Variants in NFILZ observed in about 807,000 individuals in gnomAD.
NFILZ encodes NFIL3 like basic leucine zipper, also known as NFIL3 like protein.
intron 3 of NFILZ, among the ~76,000 whole-genome samples, chr19:8,667,967 T>G (rs1203799557): frequency 6.6e-6 from 1 of 152,134 alleles, no homozygotes; most frequent in Non-Finnish European, 1.5e-5. Context: ...TTTATTTATT[T>G]TTTGAGACAG....
chr19:8,642,042 A>G (rs965226177), intron 3 of NFILZ, among the ~76,000 whole-genome samples: 1 of 151,978 alleles, frequency 6.6e-6, no homozygotes. Context: ...GGGTCTTGCT[A>G]TGTTGGCCAG....
At chr19:8,640,849 G>A (rs1030768918) in intron 3 of NFILZ, among the ~76,000 whole-genome samples, 4 of 152,196 alleles carry the variant, frequency 2.6e-5, no homozygotes, top group Admixed American at 2.6e-4. Flanking sequence ...TGGGCAGGTC[G>A]TGCTGTATGG....
chr19:8,665,596 C>T (rs2043058344), intron 3 of NFILZ, among the ~76,000 whole-genome samples: 1 of 152,152 alleles, frequency 6.6e-6, no homozygotes, highest in Admixed American at 6.5e-5. Context: ...TCACCTCAGC[C>T]TCCCAAAGTG....
intron 3 of NFILZ, among the ~76,000 whole-genome samples, chr19:8,646,092 A>G (rs574404016): frequency 6.6e-6 from 1 of 151,690 alleles, no homozygotes; most frequent in African/African-American, 2.4e-5. Flanking sequence ...GCTGGAGTCC[A>G]GTGGCGCGAT....
chr19:8,663,722 T>TTG (rs879983007), intron 3 of NFILZ, among the ~76,000 whole-genome samples: 67 of 10,796 alleles, frequency 6.2e-3, no homozygotes, highest in African/African-American at 0.02. Context: ...GTGTGTGTGT[T>TTG]TGTGTGTGTG....
In NFILZ at chr19:8,656,407, C is replaced by T. The variant is rs368644368; in HGVS notation, c.-163-18144C>T. Reference sequence around the variant, plus strand: ...CACCTTCTCCCGCAGCCCACCTTCTCTCTGAAACCCACCTCTTTCCGCAGC... The same window carrying T: ...CACCTTCTCCCGCAGCCCACCTTCTTTCTGAAACCCACCTCTTTCCGCAGC... On this transcript the variant is annotated intron_variant, in intron 3 of 5. Coordinates refer to ENST00000691075, the MANE Select transcript of NFILZ (RefSeq NM_001378600.1). Among the ~76,000 whole-genome samples the T allele has an allele frequency of 1.8e-4, 16 of 90,514 alleles. 3 individuals carry two copies. The highest frequency in any genetic ancestry group is 1.3e-3 in the East Asian group (3 of 2,234). The allele number at this position is 90,514 out of a possible 152,430, so 59.4% of individuals were successfully genotyped here. A position where few individuals can be genotyped will look rare whatever the true frequency, so the allele number is the denominator to read the frequency against.
At chr19:8,643,087 C>T (rs1195349131) in intron 3 of NFILZ, among the ~76,000 whole-genome samples, 1 of 151,710 alleles carries the variant, frequency 6.6e-6, no homozygotes, top group Non-Finnish European at 1.5e-5. Context: ...GTAGTTGGAC[C>T]CATAGGCATG....
intron 3 of NFILZ, among the ~76,000 whole-genome samples, chr19:8,643,225 C>G (rs1451490991): frequency 6.6e-6 from 1 of 152,188 alleles, no homozygotes; most frequent in African/African-American, 2.4e-5. Flanking sequence ...GCTGGGATCA[C>G]AGGCGTGAGC....
intron 3 of NFILZ, among the ~76,000 whole-genome samples, chr19:8,665,039 A>AC (rs1555749628): frequency 6.6e-6 from 1 of 151,198 alleles, no homozygotes; most frequent in Admixed American, 6.6e-5. Context: ...CACGGAGCAC[A>AC]CCCCCTTCTC....
chr19:8,662,640 CTTT>C (rs57110522), intron 3 of NFILZ, among the ~76,000 whole-genome samples: 3 of 139,548 alleles, frequency 2.1e-5, no homozygotes. Flanking sequence ...CCTTTTCTTC[CTTT>C]TTTTTTTTTT....
At position 8,680,648 on chromosome 19, in the gene NFILZ, A is replaced by G. The variant is rs1411505744; in HGVS notation, c.*3013A>G. On this transcript the variant is annotated 3_prime_UTR_variant, in exon 6 of 6. Transcript: ENST00000691075. ...AAAAATAAGAAAAACATATAGTAGGATCAATGATGATACGTGTCATGGAGA... is the reference window on the plus strand; with the variant it reads ...AAAAATAAGAAAAACATATAGTAGGGTCAATGATGATACGTGTCATGGAGA... 6.6e-6 allele frequency among the ~76,000 whole-genome samples: 1 copy of G among 152,166 alleles called. No individual in the cohort carries two copies. The highest frequency in any genetic ancestry group is 1.5e-5 in the Non-Finnish European group (1 of 68,038).
intron 3 of NFILZ, among the ~76,000 whole-genome samples, chr19:8,671,932 T>C (rs1356660575): frequency 6.6e-6 from 1 of 152,204 alleles, no homozygotes; most frequent in Non-Finnish European, 1.5e-5. Context: ...AGGTGAGCTG[T>C]CTGGGCAGTG....
At chr19:8,645,245 C>T (rs2042934223) in intron 3 of NFILZ, among the ~76,000 whole-genome samples, 1 of 151,760 alleles carries the variant, frequency 6.6e-6, no homozygotes, top group African/African-American at 2.4e-5. Context: ...GTGATCCTCC[C>T]ACCTCAGCCT....
intron 3 of NFILZ, among the ~76,000 whole-genome samples, chr19:8,650,931 G>A (rs1269885476): frequency 6.6e-6 from 1 of 152,112 alleles, no homozygotes; most frequent in Non-Finnish European, 1.5e-5. Flanking sequence ...CCCATGTACA[G>A]AGGCAGTCCA....
rs1424403379 is a variant in NFILZ, at chr19:8,681,059, A to G, written c.*3424A>G. Reference sequence around the variant, plus strand: ...TCTGAGTGATATGGGCATGAGGGGGACGTTTCCAAGTATATTTCTGTTGTA... The same window carrying G: ...TCTGAGTGATATGGGCATGAGGGGGGCGTTTCCAAGTATATTTCTGTTGTA... On this transcript the variant is annotated 3_prime_UTR_variant, in exon 6 of 6. Transcript: ENST00000691075. 6.6e-6 allele frequency among the ~76,000 whole-genome samples: 1 copy of G among 151,662 alleles called. No homozygotes were observed. The highest frequency in any genetic ancestry group is 2.4e-5 in the African/African-American group (1 of 41,304).
chr19:8,664,433 A>G (rs574058106), intron 3 of NFILZ, among the ~76,000 whole-genome samples: 2 of 149,682 alleles, frequency 1.3e-5, no homozygotes, highest in East Asian at 4.1e-4. Flanking sequence ...TGGGCACGGG[A>G]GATACCAACG....
chr19:8,657,993 C>A lies in NFILZ; in HGVS notation c.-163-16558C>A, dbSNP rs782174813. Among the ~76,000 whole-genome samples the A allele has an allele frequency of 3.3e-5, 5 of 152,218 alleles. No homozygotes were observed. In the Middle Eastern group the frequency reaches 0.01, roughly 311 times the overall value. On this transcript the variant is annotated intron_variant, in intron 3 of 5. Coordinates refer to ENST00000691075, the MANE Select transcript of NFILZ (RefSeq NM_001378600.1). ...GCGGTCTTGGGTGGGTGCAGGGACT[C>A]TCCCTGGCGAGGGGGGAACAGAGAG... is the stretch of plus-strand genomic sequence containing the variant.
Position 8,678,770 on chromosome 19 carries a change from T to C in NFILZ, c.*1135T>C, listed in dbSNP as rs1555751117. The stretch of plus-strand genomic sequence containing the variant: ...ATTTATGTGCTAACTTGTTTATTCA[T>C]TCATTCTCTTACTCATTAATTTACT... On this transcript the variant is annotated 3_prime_UTR_variant, in exon 6 of 6. Transcript: ENST00000691075. Among the ~76,000 whole-genome samples the C allele has an allele frequency of 6.6e-6, 1 of 152,222 alleles. No homozygotes were observed. Among genetic ancestry groups the C allele is most frequent in the Non-Finnish European group, 1.5e-5 (1 of 68,038 alleles).
At chr19:8,668,125 A>G (rs1292163287) in intron 3 of NFILZ, among the ~76,000 whole-genome samples, 1 of 151,532 alleles carries the variant, frequency 6.6e-6, no homozygotes, top group Non-Finnish European at 1.5e-5. Flanking sequence ...TAATTTTTGT[A>G]TTTTTAGTAG....
Sources: gnomAD v4.1 joint callset for allele counts (sites outside exome capture counted in the v4.1 genomes callset) on GRCh38, gnomAD v4.1.1 for gene constraint, MANE v1.5 for transcripts, NCBI Gene and HGNC (gene_info 2026-07-23, HGNC 2026-07-21) for gene names.